The following SPATA9 variants were observed in gnomAD, a reference collection of about 807,000 sequenced individuals.
SPATA9 encodes the protein spermatogenesis-associated protein 9.
Under a neutral mutation model 25.5 loss-of-function variants are expected in SPATA9, and 27 were observed. The ratio of observed to expected loss-of-function variants is 1.06; its 90% CI spans 0.78 to 1.46. SPATA9 has a LOEUF of 1.46. Among genes scored for constraint, SPATA9 ranks in the 40% most tolerant of loss-of-function variants. The pLI is 0.00. For missense variants in SPATA9, 282 were observed against 297.5 expected, an observed-to-expected ratio of 0.95 and a Z score of 0.38; for synonymous variants, 102 against 105.7, an observed-to-expected ratio of 0.97 and a Z score of 0.21.
At chr5:95,718,345 C>G in the SPATA9 span, among the ~76,000 whole-genome samples, 73 of 152,260 alleles carry the variant, frequency 4.8e-4, no homozygotes, top group South Asian at 2.9e-3. Context: ...ACACAAGGCA[C>G]TATCAGAGGG....
the SPATA9 span, among the ~76,000 whole-genome samples, chr5:95,709,153 C>T: frequency 6.6e-6 from 1 of 152,106 alleles, no homozygotes; most frequent in African/African-American, 2.4e-5. Flanking sequence ...AACACTAGGT[C>T]TCCTGGCTGG....
chr5:95,674,317 G>A (rs992701900), intron 3 of SPATA9, among the ~76,000 whole-genome samples: 2 of 152,112 alleles, frequency 1.3e-5, no homozygotes, highest in Non-Finnish European at 2.9e-5. Flanking sequence ...GATTTTTGAG[G>A]ATTCCCTCAT....
At chr5:95,654,152 A>C, downstream of SPATA9, 2 of 1,612,564 alleles carry the variant, frequency 1.2e-6, no homozygotes, top group African/African-American at 2.7e-5. Flanking sequence ...AAAATCTGAA[A>C]GAATGACAGC....
chr5:95,730,255 C>G, the SPATA9 span, among the ~76,000 whole-genome samples: 1 of 152,072 alleles, frequency 6.6e-6, no homozygotes, highest in South Asian at 2.1e-4. Flanking sequence ...CTCAAAATAG[C>G]TCAGCTGAGA....
chr5:95,652,398 G>T, downstream of SPATA9: 3 of 1,532,348 alleles, frequency 2.0e-6, no homozygotes, highest in Non-Finnish European at 2.6e-6. Context: ...CTCGACTTTA[G>T]TCTCATATAT....
downstream of SPATA9, chr5:95,657,896 T>A (rs533339571): frequency 2.2e-4 from 33 of 152,094 alleles, no homozygotes; most frequent in African/African-American, 7.5e-4. Context: ...ATGTCCAGAA[T>A]ATAAAGTGTA....
At chr5:95,705,357 A>G in the SPATA9 span, among the ~76,000 whole-genome samples, 4 of 152,190 alleles carry the variant, frequency 2.6e-5, no homozygotes, top group African/African-American at 9.6e-5. Context: ...TGAATTTTGG[A>G]GGGGACACCA....
At chr5:95,713,649 T>G in the SPATA9 span, 1 of 152,134 alleles carries the variant, frequency 6.6e-6, no homozygotes, top group Non-Finnish European at 1.5e-5. Flanking sequence ...GTCTTTATAG[T>G]GTGTGAGAAG....
At chr5:95,676,037 G>T (rs977354501) in intron 2 of SPATA9, among the ~76,000 whole-genome samples, 1 of 151,936 alleles carries the variant, frequency 6.6e-6, no homozygotes. Context: ...GGTCAGGCTG[G>T]TCTCAAACTC....
At chr5:95,655,895 G>A (rs1434325768), downstream of SPATA9, 1 of 649,020 alleles carries the variant, frequency 1.5e-6, no homozygotes, top group African/African-American at 1.8e-5. Flanking sequence ...CTCAGATTAG[G>A]ATCTGCTTTA....
chr5:95,687,928 G>A (rs193053987), upstream of SPATA9, among the ~76,000 whole-genome samples: 1 of 152,268 alleles, frequency 6.6e-6, no homozygotes, highest in East Asian at 1.9e-4. Flanking sequence ...AGATGTTGGT[G>A]AGAATGCAGA....
At chr5:95,682,204 AT>A (rs1753523206) in intron 2 of SPATA9, among the ~76,000 whole-genome samples, 1 of 152,042 alleles carries the variant, frequency 6.6e-6, no homozygotes. Flanking sequence ...TTTGACATAG[AT>A]TTTTGCTAAA....
intron 3 of SPATA9, among the ~76,000 whole-genome samples, chr5:95,666,004 C>T (rs978594080): frequency 2.0e-5 from 3 of 152,106 alleles, no homozygotes; most frequent in African/African-American, 4.8e-5. Context: ...CTGAAGAACA[C>T]GTGATAACTT....
chr5:95,675,978 T>C (rs1752911112), intron 2 of SPATA9, among the ~76,000 whole-genome samples: 1 of 152,034 alleles, frequency 6.6e-6, no homozygotes, highest in African/African-American at 2.4e-5. Flanking sequence ...AGCACCACCA[T>C]GCCCATCTAA....
In SPATA9 at chr5:95,663,992, A is replaced by G; in HGVS notation, c.435T>C (p.Thr145=). 1.3e-6 allele frequency: 2 copies of G among 1,599,374 alleles called. No homozygotes were observed. The highest frequency in any genetic ancestry group is 1.7e-6 in the Non-Finnish European group (2 of 1,171,206). ...CTGCATATGAAGCATATATTATGCT[A>G]GTTAAAGCAGTCTTTGCTGGAAAGG... The part of the protein sequence containing the change: ...IISFPAKTAL[T]SIIYASYAAL... Residue 145 remains threonine (T), a synonymous_variant, in exon 4 of 5, where the codon ACT becomes ACC. Transcript: ENST00000274432.
Position 95,675,611 on chromosome 5 carries a change from T to A in SPATA9, c.179A>T (p.Lys60Ile), listed in dbSNP as rs1403524411. 11 of 1,614,154 alleles carry A rather than the reference T, an allele frequency of 6.8e-6. No homozygotes were observed. Among genetic ancestry groups the A allele is most frequent in the Non-Finnish European group, 6.8e-6 (8 of 1,180,026 alleles). ...AGCTAAAGCAATAGCCATCCTGATT[T>A]TGGATGTTTTCTGCGCAGGTTCTCT... ...QKREPAQKTS[K>I]IRMAIALAKI... is the part of the protein sequence containing the mutation. Residue 60 changes from lysine to isoleucine, a missense_variant, in exon 3 of 5, where the codon AAA becomes ATA. By Grantham distance (102) the Lys-to-Ile change is moderately radical (BLOSUM62 -3). Transcript: ENST00000274432.
At chr5:95,667,825 C>A (rs1329912363) in intron 3 of SPATA9, among the ~76,000 whole-genome samples, 19 of 152,108 alleles carry the variant, frequency 1.2e-4, no homozygotes, top group Admixed American at 9.8e-4. Context: ...GTCATTGGAT[C>A]ATGGGGGCAG....
At chr5:95,731,892 G>A in the SPATA9 span, 2 of 1,613,884 alleles carry the variant, frequency 1.2e-6, no homozygotes, top group Admixed American at 3.3e-5. Context: ...GGAACGAGGG[G>A]GACACATTCC....
At chr5:95,715,352 G>A in the SPATA9 span, among the ~76,000 whole-genome samples, 1 of 151,508 alleles carries the variant, frequency 6.6e-6, no homozygotes, top group Non-Finnish European at 1.5e-5. Context: ...ATGTAAGATT[G>A]CAAAGGGCCA....
Sources: allele counts gnomAD v4.1 joint callset (sites outside exome capture counted in the v4.1 genomes callset), GRCh38; gene constraint gnomAD v4.1.1; transcripts MANE v1.5; gene names NCBI Gene and HGNC (gene_info 2026-07-23, HGNC 2026-07-21).